Variants in TAFA1 observed in about 807,000 individuals in gnomAD.
TAFA1 encodes TAFA chemokine like family member 1.
A neutral mutation model predicts 18.5 loss-of-function variants in TAFA1; 4 were observed. That is an observed-to-expected ratio of 0.22 (90% CI 0.11 to 0.49). The LOEUF is 0.49. Among genes scored for constraint, TAFA1 ranks in the 20% least tolerant of loss-of-function variants. TAFA1 has a pLI of 0.98. For synonymous variants in TAFA1, 56 were observed against 55.2 expected, an observed-to-expected ratio of 1.01 and a Z score of -0.06; for missense variants, 147 against 169.0, an observed-to-expected ratio of 0.87 and a Z score of 0.72.
At chr3:68,484,135 A>G (rs2072290958) in intron 3 of TAFA1, among the ~76,000 whole-genome samples, 1 of 152,242 alleles carries the variant, frequency 6.6e-6, no homozygotes, top group Non-Finnish European at 1.5e-5. Context: ...TCAACATGTA[A>G]TCAATATAAA....
the TAFA1 span, among the ~76,000 whole-genome samples, chr3:67,993,912 G>A: frequency 1.3e-5 from 2 of 152,024 alleles, no homozygotes; most frequent in African/African-American, 4.8e-5. Flanking sequence ...ATCAAGGGGA[G>A]GGGGGAGCAC....
chr3:68,294,278 C>T (rs1306964177), intron 2 of TAFA1, among the ~76,000 whole-genome samples: 1 of 152,014 alleles, frequency 6.6e-6, no homozygotes, highest in Non-Finnish European at 1.5e-5. Context: ...TTTCATGTAG[C>T]CACATTTTAA....
chr3:68,364,185 C>A (rs1402490442), intron 2 of TAFA1, among the ~76,000 whole-genome samples: 1 of 152,174 alleles, frequency 6.6e-6, no homozygotes, highest in African/African-American at 2.4e-5. Flanking sequence ...TTTAAGTCAG[C>A]ACTTAGGACA....
At chr3:68,114,716 C>G (rs2065304630) in intron 2 of TAFA1, among the ~76,000 whole-genome samples, 2 of 152,162 alleles carry the variant, frequency 1.3e-5, no homozygotes, top group Non-Finnish European at 2.9e-5. Flanking sequence ...AATTTCATAT[C>G]TAGCTATGTG....
chr3:68,302,184 A>C (rs2068317254), intron 2 of TAFA1, among the ~76,000 whole-genome samples: 1 of 152,244 alleles, frequency 6.6e-6, no homozygotes, highest in Non-Finnish European at 1.5e-5. Context: ...TAATTACATT[A>C]AATCTTAATT....
chr3:68,482,050 GC>G (rs2072247738), intron 3 of TAFA1, among the ~76,000 whole-genome samples: 1 of 152,040 alleles, frequency 6.6e-6, no homozygotes, highest in African/African-American at 2.4e-5. Flanking sequence ...TCGCTCTGTC[GC>G]CCAGGCTGGA....
In TAFA1 at chr3:68,306,975, C is replaced by G. The variant is rs76858245; in HGVS notation, c.119-110305C>G. Among the ~76,000 whole-genome samples the G allele has an allele frequency of 8.3e-3, 1,264 of 152,268 alleles. 18 individuals carry two copies. Among genetic ancestry groups the G allele is most frequent in the African/African-American group, 0.029 (1,225 of 41,558 alleles). On this transcript the variant is annotated intron_variant, in intron 2 of 4. Transcript: ENST00000478136. The stretch of plus-strand genomic sequence containing the variant: ...AACCTGTAGTGTTTTTGAACATGAT[C>G]TTTGACTCCAGCAAGGACTAGTCAA...
intron 3 of TAFA1, among the ~76,000 whole-genome samples, chr3:68,428,260 A>G (rs1289098804): frequency 1.3e-5 from 2 of 151,866 alleles, no homozygotes; most frequent in Non-Finnish European, 2.9e-5. Flanking sequence ...AGTACCAGAG[A>G]GATGTGACTT....
intron 3 of TAFA1, among the ~76,000 whole-genome samples, chr3:68,479,650 T>C (rs533752477): frequency 2.0e-5 from 3 of 152,128 alleles, no homozygotes; most frequent in African/African-American, 4.8e-5. Context: ...TTCTGGAAAA[T>C]GTACATGCTC....
At chr3:68,342,497 C>T (rs1173927378) in intron 2 of TAFA1, among the ~76,000 whole-genome samples, 1 of 152,162 alleles carries the variant, frequency 6.6e-6, no homozygotes, top group Non-Finnish European at 1.5e-5. Context: ...CTTAACTATA[C>T]AAATCCTGCA....
At chr3:68,541,695 T>C (rs537889449) in intron 4 of TAFA1, among the ~76,000 whole-genome samples, 36 of 152,274 alleles carry the variant, frequency 2.4e-4, no homozygotes, top group Non-Finnish European at 4.3e-4. Flanking sequence ...ACTCAGATTG[T>C]TAATAGCAAC....
intron 2 of TAFA1, among the ~76,000 whole-genome samples, chr3:68,314,251 AC>A (rs887457587): frequency 1.2e-4 from 18 of 152,330 alleles, no homozygotes; most frequent in African/African-American, 3.8e-4. Context: ...AGGTAAGTGT[AC>A]TTTTTCAAAA....
chr3:68,412,772 A>G (rs1559658303), intron 2 of TAFA1, among the ~76,000 whole-genome samples: 1 of 152,118 alleles, frequency 6.6e-6, no homozygotes, highest in East Asian at 1.9e-4. Context: ...AATCCAGTCT[A>G]TCATTGGTGG....
chr3:68,410,280 C>A (rs375905489), intron 2 of TAFA1, among the ~76,000 whole-genome samples: 12 of 151,986 alleles, frequency 7.9e-5, no homozygotes, highest in African/African-American at 2.7e-4. Context: ...GGGGCCCTTC[C>A]CCTTAACACC....
At chr3:68,053,906 T>C (rs2064502278) in intron 2 of TAFA1, among the ~76,000 whole-genome samples, 1 of 152,052 alleles carries the variant, frequency 6.6e-6, no homozygotes, top group African/African-American at 2.4e-5. Context: ...GGTCTTACTA[T>C]ATTGCCCAGG....
chr3:68,224,385 A>G (rs2066770645), intron 2 of TAFA1, among the ~76,000 whole-genome samples: 1 of 152,178 alleles, frequency 6.6e-6, no homozygotes, highest in African/African-American at 2.4e-5. Flanking sequence ...GCTCAGACAG[A>G]GGAAAACATA....
chr3:68,021,185 C>CACA (rs1704681508), intron 2 of TAFA1, among the ~76,000 whole-genome samples: 3 of 56,092 alleles, frequency 5.3e-5, no homozygotes, highest in Non-Finnish European at 9.5e-5. Flanking sequence ...GACCCTGTCT[C>CACA]AAAAAAAAAA....
rs148937936 is a variant in TAFA1, at chr3:68,402,060, A to C, written c.119-15220A>C. Among the ~76,000 whole-genome samples the C allele has an allele frequency of 9.1e-3, 1,379 of 152,362 alleles. 16 individuals are homozygous for C. Among genetic ancestry groups the C allele is most frequent in the African/African-American group, 0.032 (1,322 of 41,584 alleles). On this transcript the variant is annotated intron_variant, in intron 2 of 4. Coordinates refer to ENST00000478136, the MANE Select transcript of TAFA1 (RefSeq NM_213609.4). ...TAAAAACTCATTCTACATTCTTGGC[A>C]TGTCAAGAATTTAGCCAGCCTGCTT...
intron 2 of TAFA1, among the ~76,000 whole-genome samples, chr3:68,111,460 G>T (rs1026969821): frequency 2.6e-5 from 4 of 152,028 alleles, no homozygotes; most frequent in African/African-American, 9.7e-5. Context: ...GAAAAAGAAT[G>T]TTCCCAGAGA....
Sources: allele counts gnomAD v4.1 joint callset (sites outside exome capture counted in the v4.1 genomes callset), GRCh38; gene constraint gnomAD v4.1.1; transcripts MANE v1.5; gene names NCBI Gene and HGNC (gene_info 2026-07-23, HGNC 2026-07-21).